ACOXL: variants seen among roughly 807,000 people sequenced by gnomAD.
ACOXL encodes the protein acyl-coenzyme A oxidase-like protein.
In ACOXL, 70 loss-of-function variants were observed where a neutral mutation model predicts 71.9. That is an observed-to-expected ratio of 0.97 (90% CI 0.80 to 1.19). The LOEUF is 1.19. Ranked by LOEUF, ACOXL falls within the 50% of genes most tolerant of loss-of-function variation. The pLI, the probability that ACOXL is intolerant of heterozygous loss-of-function variation, is 0.00. For synonymous variants in ACOXL, 253 were observed against 281.6 expected, an observed-to-expected ratio of 0.90 and a Z score of 1.02; for missense variants, 703 against 736.3, an observed-to-expected ratio of 0.95 and a Z score of 0.52.
chr2:110,772,643 C>G (rs1444291117), intron 2 of ACOXL, among the ~76,000 whole-genome samples: 2 of 152,178 alleles, frequency 1.3e-5, no homozygotes, highest in African/African-American at 4.8e-5. Context: ...ACCGTTCTCT[C>G]TCTCACCCAG....
intron 10 of ACOXL, among the ~76,000 whole-genome samples, chr2:110,860,586 T>G (rs1693825268): frequency 6.6e-6 from 1 of 152,236 alleles, no homozygotes; most frequent in Non-Finnish European, 1.5e-5. Context: ...CCCAACTTGC[T>G]TACTGGTCTT....
At chr2:110,822,112 A>G (rs1688683232) in intron 9 of ACOXL, among the ~76,000 whole-genome samples, 1 of 152,084 alleles carries the variant, frequency 6.6e-6, no homozygotes, top group South Asian at 2.1e-4. Flanking sequence ...ATGTTTTGAG[A>G]AATGAAGATT....
intron 14 of ACOXL, among the ~76,000 whole-genome samples, chr2:111,005,425 T>C (rs2063828599): frequency 6.6e-6 from 1 of 152,190 alleles, no homozygotes. Context: ...ATAAGATTAT[T>C]AGAAACATAA....
intron 14 of ACOXL, among the ~76,000 whole-genome samples, chr2:111,010,333 G>C (rs892257433): frequency 6.6e-6 from 1 of 152,092 alleles, no homozygotes; most frequent in South Asian, 2.1e-4. Context: ...AAAAATAAAT[G>C]GATGGGATTA....
At chr2:110,876,529 A>C (rs942654815) in intron 10 of ACOXL, among the ~76,000 whole-genome samples, 7 of 152,000 alleles carry the variant, frequency 4.6e-5, no homozygotes, top group Non-Finnish European at 1.0e-4. Context: ...ATTGCATCAC[A>C]CTGTGTGCAG....
intron 16 of ACOXL, among the ~76,000 whole-genome samples, chr2:111,080,590 G>T (rs2067853431): frequency 6.6e-6 from 1 of 152,104 alleles, no homozygotes; most frequent in African/African-American, 2.4e-5. Flanking sequence ...TCTACCAGAG[G>T]TACAAAGGGG....
chr2:110,743,593 C>T (rs945646341), intron 1 of ACOXL, among the ~76,000 whole-genome samples: 1 of 152,112 alleles, frequency 6.6e-6, no homozygotes, highest in Non-Finnish European at 1.5e-5. Flanking sequence ...TTCAGTGCTG[C>T]CAGGCCTTTG....
chr2:110,971,227 A>G (rs1574333463), intron 12 of ACOXL, among the ~76,000 whole-genome samples: 1 of 152,268 alleles, frequency 6.6e-6, no homozygotes, highest in East Asian at 1.9e-4. Context: ...TAGGTACATC[A>G]TTGTAGCCAT....
chr2:110,743,994 T>C (rs1234441360), intron 1 of ACOXL, among the ~76,000 whole-genome samples: 1 of 152,216 alleles, frequency 6.6e-6, no homozygotes, highest in Non-Finnish European at 1.5e-5. Context: ...GGGTGCTGCC[T>C]CTGGGGCCCC....
intron 10 of ACOXL, among the ~76,000 whole-genome samples, chr2:110,903,481 A>G (rs2059325078): frequency 6.6e-6 from 1 of 152,256 alleles, no homozygotes. Context: ...TTATTCTCAC[A>G]TGGATATCGC....
intron 9 of ACOXL, among the ~76,000 whole-genome samples, chr2:110,813,212 A>G (rs1687549281): frequency 6.6e-6 from 1 of 152,126 alleles, no homozygotes; most frequent in Non-Finnish European, 1.5e-5. Context: ...TCCCCATTTG[A>G]TGTGGCCCAT....
chr2:110,765,749 A>G (rs187742192), intron 1 of ACOXL, among the ~76,000 whole-genome samples: 1 of 152,288 alleles, frequency 6.6e-6, no homozygotes, highest in Non-Finnish European at 1.5e-5. Context: ...CATAAATCTC[A>G]TTCATGAGGG....
At chr2:110,980,220 A>G (rs565329603) in intron 12 of ACOXL, among the ~76,000 whole-genome samples, 1 of 152,332 alleles carries the variant, frequency 6.6e-6, no homozygotes, top group East Asian at 1.9e-4. Flanking sequence ...ACTCCTGTAG[A>G]GCACTCAGCA....
intron 12 of ACOXL, among the ~76,000 whole-genome samples, chr2:110,960,822 A>G (rs991307584): frequency 4.6e-5 from 7 of 152,218 alleles, no homozygotes; most frequent in Non-Finnish European, 1.0e-4. Context: ...ATTTGTCTCC[A>G]AAGAATTCAA....
At chr2:110,954,353 T>C (rs1432206754) in intron 12 of ACOXL, among the ~76,000 whole-genome samples, 1 of 152,226 alleles carries the variant, frequency 6.6e-6, no homozygotes, top group Non-Finnish European at 1.5e-5. Flanking sequence ...ATCACTGATA[T>C]ATTTGAATTT....
At chr2:111,069,707 A>G (rs2067249107) in intron 16 of ACOXL, among the ~76,000 whole-genome samples, 1 of 152,052 alleles carries the variant, frequency 6.6e-6, no homozygotes. Flanking sequence ...AATCAACCCA[A>G]TTTTGGATTT....
chr2:110,883,852 A>G (rs941187582), intron 10 of ACOXL, among the ~76,000 whole-genome samples: 1 of 152,244 alleles, frequency 6.6e-6, no homozygotes, highest in African/African-American at 2.4e-5. Context: ...CCTTTGTATG[A>G]GAGAAAAAAG....
rs779458378 is a variant in ACOXL, at chr2:110,801,644, C to T, written c.548-8C>T. The stretch of plus-strand genomic sequence containing the variant: ...GCTGCATCCATTTCCCCTTTCTATT[C>T]TTGCCAGGTCTGCATGGTGTGGACA... On this transcript the variant is annotated splice_polypyrimidine_tract_variant and splice_region_variant and intron_variant, in intron 7 of 17. Transcript: ENST00000439055. The T allele has an allele frequency of 1.6e-5, 26 of 1,613,170 alleles. No individual in the cohort carries two copies. The highest frequency in any genetic ancestry group is 2.0e-5 in the Non-Finnish European group (23 of 1,179,400).
chr2:110,847,860 C>T (rs563023093), intron 10 of ACOXL, among the ~76,000 whole-genome samples: 21 of 152,266 alleles, frequency 1.4e-4, no homozygotes, highest in African/African-American at 4.3e-4. Flanking sequence ...AGTACAGACC[C>T]GGGGTGATTA....
Sources: allele counts gnomAD v4.1 joint callset (sites outside exome capture counted in the v4.1 genomes callset), GRCh38; gene constraint gnomAD v4.1.1; transcripts MANE v1.5; gene names NCBI Gene and HGNC (gene_info 2026-07-23, HGNC 2026-07-21).